The following CCDC86 variants were observed in gnomAD, a reference collection of about 807,000 sequenced individuals.
The protein encoded by CCDC86 is coiled-coil domain containing 86.
A neutral mutation model predicts 36.7 loss-of-function variants in CCDC86; 28 were observed. That is an observed-to-expected ratio of 0.76 (90% CI 0.57 to 1.05). The LOEUF is 1.05. Ranked by LOEUF, CCDC86 falls within the 50% of genes least tolerant of loss-of-function variation. CCDC86 has a pLI of 0.00. For missense variants in CCDC86, 453 were observed against 470.2 expected (o/e 0.96, Z 0.34); for synonymous variants, 199 against 203.4 (o/e 0.98, Z 0.18).
At chr11:60,848,959 CAG>C (rs1855219853) in intron 2 of CCDC86, among the ~76,000 whole-genome samples, 1 of 152,188 alleles carries the variant, frequency 6.6e-6, no homozygotes, top group Admixed American at 6.5e-5. Flanking sequence ...TTGGGCAAGA[CAG>C]AGCTGCCGTC....
intron 1 of CCDC86, among the ~76,000 whole-genome samples, chr11:60,843,404 C>A (rs899876365): frequency 5.3e-5 from 8 of 152,346 alleles, no homozygotes; most frequent in Non-Finnish European, 8.8e-5. Context: ...TTAATCTGCA[C>A]GTCAGCCCTG....
chr11:60,843,426 GTGT>G (rs1207578358), intron 1 of CCDC86, among the ~76,000 whole-genome samples: 13 of 152,340 alleles, frequency 8.5e-5, no homozygotes, highest in African/African-American at 2.9e-4. Context: ...GAAGCAGGCG[GTGT>G]TATTATTCCT....
chr11:60,842,783 A>C lies in CCDC86; in HGVS notation c.659A>C (p.Gln220Pro). Reference sequence around the variant, plus strand: ...AAGAAGCGAAAAGGTTCTTCATCCCAGGCCCCAGCGTCCAAGAAGTTGAAT... The same window carrying C: ...AAGAAGCGAAAAGGTTCTTCATCCCCGGCCCCAGCGTCCAAGAAGTTGAAT... ...GAKKRKGSSS[Q>P]APASKKLNKE... Residue 220 changes from glutamine to proline, a missense_variant, in exon 1 of 4, where the codon CAG (glutamine) becomes CCG (proline). Transcript: ENST00000227520. The C allele has an allele frequency of 1.2e-6, 2 of 1,612,704 alleles. No homozygotes were observed. Among genetic ancestry groups the C allele is most frequent in the Non-Finnish European group, 1.7e-6 (2 of 1,178,946 alleles).
chr11:60,845,121 T>G (rs1445297258), intron 1 of CCDC86, among the ~76,000 whole-genome samples: 1 of 152,092 alleles, frequency 6.6e-6, no homozygotes, highest in Admixed American at 6.5e-5. Flanking sequence ...GGGGAAACAG[T>G]ATCCAGGCAA....
At chr11:60,846,670 G>A (rs1855186459) in intron 1 of CCDC86, among the ~76,000 whole-genome samples, 1 of 152,102 alleles carries the variant, frequency 6.6e-6, no homozygotes, top group Non-Finnish European at 1.5e-5. Context: ...CGCCTCCTGG[G>A]TTCAAGCGAT....
intron 1 of CCDC86, 195 bp downstream of exon 1, chr11:60,843,077 C>T (rs1170326683): frequency 1.4e-6 from 1 of 715,292 alleles, no homozygotes; most frequent in Admixed American, 3.7e-5. Context: ...GCCAGGCCCT[C>T]AAAGATCAAT....
chr11:60,842,208 G>A lies in CCDC86; in HGVS notation c.84G>A (p.Thr28=), dbSNP rs746085514. ...SPESLTSVSR[T]RRALVEFESN... ...AGAGCCTCACCTCAGTTTCGCGGAC[G>A]AGACGGGCCCTTGTGGAGTTCGAGT... The change falls in exon 1 of 4, where the codon ACG becomes ACA. Residue 28 remains threonine, a synonymous_variant. Transcript: ENST00000227520. 3.7e-6 allele frequency: 6 copies of A among 1,613,206 alleles called. No individual in the cohort carries two copies. Among genetic ancestry groups the A allele is most frequent in the Non-Finnish European group, 5.1e-6 (6 of 1,179,860 alleles).
At position 60,848,063 on chromosome 11, in the gene CCDC86, C is replaced by A; in HGVS notation, c.888+10C>A. The A allele has an allele frequency of 6.2e-7, 1 of 1,611,382 alleles. No individual in the cohort carries two copies. The highest frequency in any genetic ancestry group is 1.1e-5 in the South Asian group (1 of 90,794). ...GGAGAGGCGCCGCCAGGTGAGGGGCCAGCCAGGCTGAGGCTGGGGCTCAGA... is the reference window on the plus strand; with the variant it reads ...GGAGAGGCGCCGCCAGGTGAGGGGCAAGCCAGGCTGAGGCTGGGGCTCAGA... On this transcript the variant is annotated intron_variant, in intron 2 of 3. Coordinates refer to ENST00000227520, the MANE Select transcript of CCDC86 (RefSeq NM_024098.4).
At chr11:60,844,868 G>A (rs891393231) in intron 1 of CCDC86, among the ~76,000 whole-genome samples, 1 of 152,218 alleles carries the variant, frequency 6.6e-6, no homozygotes, top group African/African-American at 2.4e-5. Context: ...TCAACCAGTT[G>A]CTCAGATCTT....
At position 60,850,981 on chromosome 11, in the gene CCDC86, C is replaced by G. The variant is rs937364603; in HGVS notation, c.*656C>G. Reference sequence around the variant, plus strand: ...ATTGAGTGCCTGTTGCATACAGGCACAATCCTAGGCACCGGCAAATACAGA... The same window carrying G: ...ATTGAGTGCCTGTTGCATACAGGCAGAATCCTAGGCACCGGCAAATACAGA... On this transcript the variant is annotated 3_prime_UTR_variant, in exon 4 of 4. Coordinates refer to ENST00000227520, the MANE Select transcript of CCDC86 (RefSeq NM_024098.4). 6.6e-6 allele frequency: 1 copy of G among 152,260 alleles called. No individual in the cohort carries two copies. Among genetic ancestry groups the G allele is most frequent in the Admixed American group, 6.5e-5 (1 of 15,286 alleles). The allele number at this position is 152,260 out of a possible 1,614,324, so 9.4% of individuals were successfully genotyped here. A position where few individuals can be genotyped will look rare whatever the true frequency, so the allele number is the denominator to read the frequency against.
At chr11:60,842,988 C>T (rs1855143803) in intron 1 of CCDC86, 106 bp downstream of exon 1, 2 of 1,390,216 alleles carry the variant, frequency 1.4e-6, no homozygotes, top group South Asian at 1.5e-5. Context: ...AGAGAGAGCT[C>T]ACGTTAGTGG....
At chr11:60,847,308 A>G (rs1479119989) in intron 1 of CCDC86, among the ~76,000 whole-genome samples, 1 of 152,110 alleles carries the variant, frequency 6.6e-6, no homozygotes, top group Non-Finnish European at 1.5e-5. Context: ...AGGTTTTGCC[A>G]TGTTTGCCCG....
intron 2 of CCDC86, among the ~76,000 whole-genome samples, chr11:60,848,942 C>T (rs2134802809): frequency 6.6e-6 from 1 of 152,302 alleles, no homozygotes; most frequent in Admixed American, 6.5e-5. Context: ...GTGGCCCTGG[C>T]TCCCTCTTGG....
Position 60,842,415 on chromosome 11 carries a change from C to CG in CCDC86, c.291_292insG (p.Leu98AlafsTer15). 1 of 1,612,446 alleles carries CG rather than the reference C, an allele frequency of 6.2e-7. No individual in the cohort carries two copies. The highest frequency in any genetic ancestry group is 1.1e-5 in the South Asian group (1 of 90,964). On this transcript the variant is annotated frameshift_variant, in exon 1 of 4. Coordinates refer to ENST00000227520, the MANE Select transcript of CCDC86 (RefSeq NM_024098.4). LOFTEE classifies it high-confidence loss of function. The stretch of plus-strand genomic sequence containing the variant: ...CAGCGTCCCCCCAGCGTCAGCAAGA[C>CG]CTACACCTGGAGTCGCCTCAAAGAC...
rs753825207 is a variant in CCDC86 at position 60,842,634 on chromosome 11, C to G, written c.510C>G (p.Pro170=). 6.2e-7 allele frequency: 1 copy of G among 1,613,790 alleles called. No individual in the cohort carries two copies. Among genetic ancestry groups the G allele is most frequent in the Non-Finnish European group, 8.5e-7 (1 of 1,179,996 alleles). Residue 170 remains proline (P), a synonymous_variant, in exon 1 of 4, where the codon CCC becomes CCG. Transcript: ENST00000227520. ...AGCCTTACCCCGGTCAGCAAGCTCCCGGTCCGGAGCCCTCTCAGCCACTAC... is the reference window on the plus strand; with the variant it reads ...AGCCTTACCCCGGTCAGCAAGCTCCGGGTCCGGAGCCCTCTCAGCCACTAC... ...SPEPYPGQQA[P]GPEPSQPLLE...
chr11:60,850,166 C>T, intron 3 of CCDC86, 40 bp from the exon 4 acceptor site: 1 of 1,612,388 alleles, frequency 6.2e-7, no homozygotes. Context: ...TGGACCGAGG[C>T]TGCAGCTGCA....
chr11:60,848,147 G>A (rs1590574133), intron 2 of CCDC86, 94 bp downstream of exon 2: 7 of 1,447,324 alleles, frequency 4.8e-6, no homozygotes, highest in Non-Finnish European at 6.5e-6. Context: ...GGGTGCCTGG[G>A]GGAGGCCGAC....
intron 3 of CCDC86, 74 bp downstream of exon 3, chr11:60,850,088 C>T (rs1855239188): frequency 1.9e-6 from 3 of 1,604,086 alleles, no homozygotes; most frequent in African/African-American, 1.3e-5. Flanking sequence ...ACCCCTGCCT[C>T]ATGTACCCCC....
chr11:60,843,922 T>C (rs1318031266), intron 1 of CCDC86, among the ~76,000 whole-genome samples: 1 of 152,206 alleles, frequency 6.6e-6, no homozygotes, highest in Non-Finnish European at 1.5e-5. Flanking sequence ...AACTGAGGCT[T>C]ACAGAGTAAT....
Sources: gnomAD v4.1 joint callset for allele counts (sites outside exome capture counted in the v4.1 genomes callset) on GRCh38, gnomAD v4.1.1 for gene constraint, MANE v1.5 for transcripts, NCBI Gene and HGNC (gene_info 2026-07-23, HGNC 2026-07-21) for gene names.